The following CLMN variants were observed in gnomAD, a reference collection of about 807,000 sequenced individuals.
CLMN encodes the protein calmin, also known as calmin (calponin-like, transmembrane).
In CLMN, 57 loss-of-function variants were observed where a neutral mutation model predicts 92.7. The observed-to-expected ratio is 0.61, with a 90% CI of 0.50 to 0.77. The LOEUF is 0.77. Among genes scored for constraint, CLMN ranks in the 30% least tolerant of loss-of-function variants. CLMN has a pLI of 0.00. For missense variants in CLMN, 1,158 were observed against 1,237.5 expected (o/e 0.94, Z 0.96); for synonymous variants, 466 against 470.6 (o/e 0.99, Z 0.13).
At chr14:95,296,620 G>A (rs770714544) in intron 1 of CLMN, among the ~76,000 whole-genome samples, 13 of 152,296 alleles carry the variant, frequency 8.5e-5, no homozygotes, top group Admixed American at 3.3e-4. Flanking sequence ...GCTAGCATCC[G>A]CCCTTTGATC....
At chr14:95,213,897 T>A (rs1214574624) in intron 5 of CLMN, among the ~76,000 whole-genome samples, 5 of 152,104 alleles carry the variant, frequency 3.3e-5, no homozygotes, top group African/African-American at 1.2e-4. Flanking sequence ...GGAATCAGAA[T>A]CTGTTTCAAT....
intron 1 of CLMN, among the ~76,000 whole-genome samples, chr14:95,314,939 G>T (rs1417571348): frequency 1.3e-5 from 2 of 152,184 alleles, no homozygotes; most frequent in Admixed American, 1.3e-4. Flanking sequence ...TTTTTATATA[G>T]AAACCTTCAG....
Position 95,204,268 on chromosome 14 carries a change from C to T in CLMN, c.1081G>A (p.Glu361Lys), listed in dbSNP as rs1336819998. 1 of 1,613,978 alleles carries T rather than the reference C, an allele frequency of 6.2e-7. No homozygotes were observed. Residue 361 changes from glutamate to lysine, a missense_variant, in exon 9 of 13, where the codon GAA (glutamate) becomes AAA (lysine). Physicochemically the swap from Glu to Lys is moderately conservative, Grantham distance 56 (BLOSUM62 1). Coordinates refer to ENST00000298912, the MANE Select transcript of CLMN (RefSeq NM_024734.4). ...FVCDKPESMKEFRLDGVSSHA... is the reference protein window; with the variant it reads ...FVCDKPESMKKFRLDGVSSHA... ...CTGGAAACACCATCCAGGCGGAATT[C>T]CTTCATGCTCTCGGGCTTGTCACAG... is the stretch of plus-strand genomic sequence containing the variant.
At chr14:95,238,275 T>C (rs1252062397) in intron 1 of CLMN, among the ~76,000 whole-genome samples, 2 of 152,246 alleles carry the variant, frequency 1.3e-5, no homozygotes, top group Non-Finnish European at 2.9e-5. Context: ...CTGGTTCACT[T>C]GAGAAATAAA....
rs563902581 is a variant in CLMN at position 95,288,388 on chromosome 14, G to C, written c.82+31323C>G. ...TAAAGAGGAGTGAGCCAGTGAGAAGGCAGGGCTGGGGAAGGAACAGTGCGC... is the reference window on the plus strand; with the variant it reads ...TAAAGAGGAGTGAGCCAGTGAGAAGCCAGGGCTGGGGAAGGAACAGTGCGC... On this transcript the variant is annotated intron_variant, in intron 1 of 12. Coordinates refer to ENST00000298912, the MANE Select transcript of CLMN (RefSeq NM_024734.4). 1.1e-4 allele frequency among the ~76,000 whole-genome samples: 17 copies of C among 152,324 alleles called. No homozygotes were observed. The East Asian group carries it at 3.3e-3, about 29-fold the overall frequency.
intron 9 of CLMN, among the ~76,000 whole-genome samples, chr14:95,197,563 C>T (rs1046154088): frequency 9.2e-5 from 14 of 152,138 alleles, no homozygotes; most frequent in South Asian, 8.3e-4. Context: ...GAGAGGCACA[C>T]GCACAGGCAG....
intron 1 of CLMN, among the ~76,000 whole-genome samples, chr14:95,314,799 C>T (rs185425279): frequency 6.6e-6 from 1 of 152,176 alleles, no homozygotes; most frequent in Non-Finnish European, 1.5e-5. Flanking sequence ...CGTGGCCTGA[C>T]CCCAGCCACA....
chr14:95,290,222 G>A (rs145647687), intron 1 of CLMN, among the ~76,000 whole-genome samples: 112 of 152,280 alleles, frequency 7.4e-4, no homozygotes, highest in African/African-American at 2.6e-3. Flanking sequence ...CCCTGGGTCC[G>A]CCCCGCCCAC....
chr14:95,244,425 C>T (rs1898380369), intron 1 of CLMN, among the ~76,000 whole-genome samples: 1 of 152,202 alleles, frequency 6.6e-6, no homozygotes, highest in Non-Finnish European at 1.5e-5. Flanking sequence ...GTTGAGTTTT[C>T]TCCTTATCCA....
intron 1 of CLMN, among the ~76,000 whole-genome samples, chr14:95,318,975 C>A (rs1451017477): frequency 6.6e-6 from 1 of 152,188 alleles, no homozygotes; most frequent in East Asian, 1.9e-4. Flanking sequence ...CCATACCCAG[C>A]CGCTCTCCAC....
At position 95,279,125 on chromosome 14, in the gene CLMN, T is replaced by G. The variant is rs556027394; in HGVS notation, c.82+40586A>C. Among the ~76,000 whole-genome samples, 5 of 152,330 alleles carry G rather than the reference T, an allele frequency of 3.3e-5. No individual in the cohort carries two copies. The East Asian group carries it at 5.8e-4, about 18-fold the overall frequency. ...CTCTACTTAATTGGCTTAAAGAAAATTAAGTGCTTAAATCAAATATTTTGT... is the reference window on the plus strand; with the variant it reads ...CTCTACTTAATTGGCTTAAAGAAAAGTAAGTGCTTAAATCAAATATTTTGT... On this transcript the variant is annotated intron_variant, in intron 1 of 12. Coordinates refer to ENST00000298912, the MANE Select transcript of CLMN (RefSeq NM_024734.4).
In CLMN at chr14:95,212,839, G is replaced by A. The variant is rs571418565; in HGVS notation, c.608+380C>T. Among the ~76,000 whole-genome samples, 265 of 145,674 alleles carry A rather than the reference G, an allele frequency of 1.8e-3. 1 individual carries two copies. The highest frequency in any genetic ancestry group is 6.6e-3 in the African/African-American group (257 of 39,032). On this transcript the variant is annotated intron_variant, in intron 6 of 12. Transcript: ENST00000298912. ...CTCGCTCTGTTGCCCAGGCTGGAATGCAGTGGAGTGAACTCGGCTCACTGC... is the reference window on the plus strand; with the variant it reads ...CTCGCTCTGTTGCCCAGGCTGGAATACAGTGGAGTGAACTCGGCTCACTGC...
chr14:95,224,558 C>T (rs1019905777), intron 2 of CLMN, among the ~76,000 whole-genome samples: 1 of 152,218 alleles, frequency 6.6e-6, no homozygotes, highest in African/African-American at 2.4e-5. Context: ...GCTGGAATTA[C>T]AGGCATGAGC....
At position 95,204,169 on chromosome 14, in the gene CLMN, T is replaced by C. The variant is rs1472834499; in HGVS notation, c.1180A>G (p.Lys394Glu). The change falls in exon 9 of 13, where the codon AAG becomes GAG. Residue 394 changes from lysine to glutamate, a missense_variant. Lys to Glu is a moderately conservative substitution (Grantham distance 56, BLOSUM62 1). Coordinates refer to ENST00000298912, the MANE Select transcript of CLMN (RefSeq NM_024734.4). ...GATGGCTCACTGATGTCGCTGGTCT[T>C]ACCTGGGCCCCCTTGCAGGACCTGG... ...IDQVLQGGPG[K>E]TSDISEPSPE... The C allele has an allele frequency of 1.2e-6, 2 of 1,614,170 alleles. No individual in the cohort carries two copies. Among genetic ancestry groups the C allele is most frequent in the Admixed American group, 3.3e-5 (2 of 60,016 alleles).
At chr14:95,246,603 G>A (rs1898581791) in intron 1 of CLMN, among the ~76,000 whole-genome samples, 1 of 152,154 alleles carries the variant, frequency 6.6e-6, no homozygotes, top group Admixed American at 6.5e-5. Flanking sequence ...CAAGTAGCTG[G>A]GAGTAGAGGC....
chr14:95,194,657 A>ACGGT lies in CLMN; in HGVS notation c.2709-65_2709-62dup. 6.6e-7 allele frequency: 1 copy of ACGGT among 1,518,926 alleles called. No individual in the cohort carries two copies. 94.1% of individuals were successfully genotyped at this position (1,518,926 alleles called of 1,614,324 possible). ...CTGGAGCTCTTCATGGCTCAGTTGT[A>ACGGT]CGGTCACCCCCATCCTGGGGTTTCC... is the stretch of plus-strand genomic sequence containing the variant. On this transcript the variant is annotated intron_variant, in intron 10 of 12. Transcript: ENST00000298912. The surrounding 1 kb of genome is among the most constrained non-coding windows in gnomAD (Gnocchi z 4.0).
At position 95,203,871 on chromosome 14, in the gene CLMN, A is replaced by C. The variant is rs1307716007; in HGVS notation, c.1478T>G (p.Ile493Ser). ...ATTGTTTGTGCCCTCCACCAAAAAA[A>C]TGTCACCAGCGACCTTGTCAGAGGA... is the stretch of plus-strand genomic sequence containing the variant. ...ESSSDKVAGD[I>S]FLVEGTNNNS... The change falls in exon 9 of 13, where the codon ATT becomes AGT. Residue 493 changes from isoleucine (I) to serine (S), a missense_variant. Physicochemically the swap from Ile to Ser is moderately radical, Grantham distance 142. Transcript: ENST00000298912. 6.2e-7 allele frequency: 1 copy of C among 1,614,176 alleles called. No individual in the cohort carries two copies. Among genetic ancestry groups the C allele is most frequent in the Non-Finnish European group, 8.5e-7 (1 of 1,180,034 alleles).
intron 1 of CLMN, among the ~76,000 whole-genome samples, chr14:95,242,250 C>CTTTTTTTTTTTTTTTTTTTTTTT (rs371417505): frequency 3.0e-4 from 28 of 92,596 alleles, no homozygotes; most frequent in Non-Finnish European, 4.2e-4. Flanking sequence ...TTTTCTTTTT[C>CTTTTTTTTTTTTTTTTTTTTTTT]TTTTTTTTTT....
intron 5 of CLMN, among the ~76,000 whole-genome samples, chr14:95,214,222 G>A (rs979846735): frequency 3.9e-5 from 6 of 152,050 alleles, no homozygotes; most frequent in African/African-American, 9.7e-5. Context: ...GAAGCCCTAC[G>A]GTGGTGGATT....
Sources: gnomAD v4.1 joint callset for allele counts (sites outside exome capture counted in the v4.1 genomes callset) on GRCh38, gnomAD v4.1.1 for gene constraint, Gnocchi (gnomAD v3.1) non-coding constraint, MANE v1.5 for transcripts, NCBI Gene and HGNC (gene_info 2026-07-23, HGNC 2026-07-21) for gene names.